The following MYO5B variants were observed in gnomAD, a reference collection of about 807,000 sequenced individuals.
MYO5B encodes the protein myosin VB, also known as unconventional myosin-Vb.
Under a neutral mutation model 229.3 loss-of-function variants are expected in MYO5B, and 143 were observed. That is an observed-to-expected ratio of 0.62 (90% CI 0.54 to 0.72). The LOEUF is 0.72. Among genes scored for constraint, MYO5B ranks in the 30% least tolerant of loss-of-function variants. MYO5B has a pLI of 0.00. For missense variants in MYO5B, 2,321 were observed against 2,331.0 expected, an observed-to-expected ratio of 1.00 and a Z score of 0.09; for synonymous variants, 918 against 885.2, an observed-to-expected ratio of 1.04 and a Z score of -0.66.
At chr18:50,098,014 A>C (rs1243836170) in intron 1 of MYO5B, among the ~76,000 whole-genome samples, 1 of 152,248 alleles carries the variant, frequency 6.6e-6, no homozygotes, top group Admixed American at 6.5e-5. Context: ...ATGAGTCAGG[A>C]AAGGACAAGA....
chr18:50,109,374 C>G lies in MYO5B; in HGVS notation c.28-53996G>C, dbSNP rs145420319. Among the ~76,000 whole-genome samples the G allele has an allele frequency of 8.5e-5, 13 of 152,118 alleles. No individual in the cohort carries two copies. In the East Asian group the frequency reaches 2.5e-3, roughly 29 times the overall value. ...AGTTCAGAGGTTCACAAAACATGCT[C>G]TGTCACCAACTTGTCAATCTTATCA... On this transcript the variant is annotated intron_variant, in intron 1 of 39. Transcript: ENST00000285039.
intron 10 of MYO5B, among the ~76,000 whole-genome samples, chr18:49,966,586 C>G (rs1210554694): frequency 6.6e-6 from 1 of 152,162 alleles, no homozygotes; most frequent in East Asian, 1.9e-4. Context: ...AAAGAGCCAC[C>G]CCAGCAATTG....
chr18:49,929,690 C>T, intron 16 of MYO5B, 92 bp from the exon 17 acceptor site: 1 of 1,126,744 alleles, frequency 8.9e-7, no homozygotes, highest in East Asian at 2.5e-5. Flanking sequence ...TTTCCTGCAG[C>T]ATGTGAAGTA....
At chr18:50,168,303 A>T (rs1361359812) in intron 1 of MYO5B, among the ~76,000 whole-genome samples, 7 of 152,186 alleles carry the variant, frequency 4.6e-5, no homozygotes, top group African/African-American at 1.7e-4. Flanking sequence ...AAAGTGGAAA[A>T]TCTGGCAACA....
At chr18:49,847,602 C>T (rs2024146769) in intron 32 of MYO5B, among the ~76,000 whole-genome samples, 1 of 152,242 alleles carries the variant, frequency 6.6e-6, no homozygotes. Flanking sequence ...CCAGAGAAAA[C>T]TTGTGAAGGA....
chr18:49,844,422 G>A (rs1221278861), intron 33 of MYO5B, among the ~76,000 whole-genome samples: 1 of 152,140 alleles, frequency 6.6e-6, no homozygotes, highest in East Asian at 1.9e-4. Context: ...GGCCTCATGA[G>A]CCACCTGTAG....
In MYO5B at chr18:50,128,633, C is replaced by G. The variant is rs532597063; in HGVS notation, c.27+66134G>C. Among the ~76,000 whole-genome samples, 5 of 152,234 alleles carry G rather than the reference C, an allele frequency of 3.3e-5. No individual in the cohort carries two copies. The South Asian group carries it at 6.2e-4, about 19-fold the overall frequency. The stretch of plus-strand genomic sequence containing the variant: ...CACTCCCTTGGATTTATCAACAGCT[C>G]GGAGAGCAGTTCTGCACCCTGCCCA... On this transcript the variant is annotated intron_variant, in intron 1 of 39. Coordinates refer to ENST00000285039, the MANE Select transcript of MYO5B (RefSeq NM_001080467.3).
At chr18:50,192,189 C>T (rs538106859) in intron 1 of MYO5B, among the ~76,000 whole-genome samples, 11 of 152,270 alleles carry the variant, frequency 7.2e-5, no homozygotes, top group Admixed American at 2.6e-4. Context: ...TGATTCTGAC[C>T]GAAAACAAAG....
chr18:49,951,875 C>T (rs1568044370), intron 14 of MYO5B, among the ~76,000 whole-genome samples: 2 of 152,174 alleles, frequency 1.3e-5, no homozygotes, highest in African/African-American at 4.8e-5. Flanking sequence ...GGGGCTCCTC[C>T]CTATGCCACC....
intron 22 of MYO5B, among the ~76,000 whole-genome samples, chr18:49,892,990 G>A (rs2024733022): frequency 6.6e-6 from 1 of 152,162 alleles, no homozygotes. Flanking sequence ...TCATTGCTAG[G>A]GAAGAGTAGC....
chr18:50,118,626 C>CTT (rs11429821), intron 1 of MYO5B, among the ~76,000 whole-genome samples: 1,577 of 137,982 alleles, frequency 0.011, 34 homozygotes, highest in Middle Eastern at 0.028. Context: ...GTTGGCATTT[C>CTT]TTTTTTTTTT....
At chr18:50,028,161 T>C (rs1169100394) in intron 4 of MYO5B, among the ~76,000 whole-genome samples, 1 of 152,222 alleles carries the variant, frequency 6.6e-6, no homozygotes, top group Non-Finnish European at 1.5e-5. Context: ...GTGACTTCAC[T>C]TTAAATATGT....
chr18:50,102,063 T>G (rs563726396), intron 1 of MYO5B, among the ~76,000 whole-genome samples: 3 of 152,032 alleles, frequency 2.0e-5, no homozygotes, highest in Non-Finnish European at 4.4e-5. Context: ...TAAAAAGCAA[T>G]GAGATCATGT....
rs796911453 is a variant in MYO5B at position 49,938,898 on chromosome 18, C to T, written c.1753-1501G>A. ...TGACCCTCTCCCAAAGCACCCATCA[C>T]TCCTGTCTGTGTCTCCCACAGGCTC... On this transcript the variant is annotated intron_variant, in intron 14 of 39. Coordinates refer to ENST00000285039, the MANE Select transcript of MYO5B (RefSeq NM_001080467.3). Among the ~76,000 whole-genome samples the T allele has an allele frequency of 6.4e-4, 64 of 100,270 alleles. 1 individual carries two copies. Among genetic ancestry groups the T allele is most frequent in the African/African-American group, 2.6e-3 (63 of 24,002 alleles). The allele number at this position is 100,270 out of a possible 152,430, so 65.8% of individuals were successfully genotyped here.
intron 12 of MYO5B, 65 bp from the exon 13 acceptor site, chr18:49,954,500 C>T (rs1269489387): frequency 2.5e-6 from 4 of 1,606,354 alleles, no homozygotes; most frequent in African/African-American, 2.7e-5. Flanking sequence ...TGGGTTGCAG[C>T]AGAGGGATGG....
intron 20 of MYO5B, 48 bp from the exon 21 acceptor site, chr18:49,902,881 A>T: frequency 6.3e-7 from 1 of 1,591,004 alleles, no homozygotes; most frequent in South Asian, 1.1e-5. Flanking sequence ...ACTGCAGGAC[A>T]GGAGTGAAGG....
rs2025939927 is a variant in MYO5B, at chr18:49,992,142, T to C, written c.756+146A>G. The C allele has an allele frequency of 1.0e-5, 12 of 1,159,424 alleles. No individual in the cohort carries two copies. The East Asian group carries it at 1.2e-4, about 11-fold the overall frequency. The allele number at this position is 1,159,424 out of a possible 1,614,324, so 71.8% of individuals were successfully genotyped here. A position where few individuals can be genotyped will look rare whatever the true frequency, so the allele number is the denominator to read the frequency against. ...TACCATCTGAATGAACACTTACTGATAAAAGATAAGAACCAAAAGAACAAC... is the reference window on the plus strand; with the variant it reads ...TACCATCTGAATGAACACTTACTGACAAAAGATAAGAACCAAAAGAACAAC... On this transcript the variant is annotated intron_variant, in intron 6 of 39. Coordinates refer to ENST00000285039, the MANE Select transcript of MYO5B (RefSeq NM_001080467.3).
At chr18:50,119,423 TG>T (rs1274882037) in intron 1 of MYO5B, among the ~76,000 whole-genome samples, 1 of 152,224 alleles carries the variant, frequency 6.6e-6, no homozygotes, top group East Asian at 1.9e-4. Context: ...CTCAACTTTT[TG>T]TCTGTGGATT....
intron 10 of MYO5B, among the ~76,000 whole-genome samples, chr18:49,968,593 C>T (rs1485182529): frequency 6.6e-6 from 1 of 152,056 alleles, no homozygotes; most frequent in Non-Finnish European, 1.5e-5. Context: ...TCAGGCCCCC[C>T]AATAAACTTG....
Sources: allele counts gnomAD v4.1 joint callset (sites outside exome capture counted in the v4.1 genomes callset), GRCh38; gene constraint gnomAD v4.1.1; transcripts MANE v1.5; gene names NCBI Gene and HGNC (gene_info 2026-07-23, HGNC 2026-07-21).